GPC6: variants seen among roughly 807,000 people sequenced by gnomAD.
GPC6 encodes glypican 6.
In GPC6, 14 loss-of-function variants were observed where a neutral mutation model predicts 55.2. The observed-to-expected ratio is 0.25, with a 90% CI of 0.17 to 0.40. GPC6 has a LOEUF of 0.40. Among genes scored for constraint, GPC6 ranks in the 10% least tolerant of loss-of-function variants. GPC6 has a pLI of 1.00. For missense variants in GPC6, 641 were observed against 708.5 expected, an observed-to-expected ratio of 0.90 and a Z score of 1.08; for synonymous variants, 278 against 259.6, an observed-to-expected ratio of 1.07 and a Z score of -0.68.
chr13:93,764,753 G>C (rs1254415282), intron 2 of GPC6, among the ~76,000 whole-genome samples: 3 of 151,850 alleles, frequency 2.0e-5, no homozygotes, highest in Non-Finnish European at 4.4e-5. Context: ...ATATAGTCCT[G>C]GAAGACTAGA....
chr13:93,230,854 T>C lies in GPC6; in HGVS notation c.160+3238T>C, dbSNP rs373086586. On this transcript the variant is annotated intron_variant, in intron 1 of 8. Coordinates refer to ENST00000377047, the MANE Select transcript of GPC6 (RefSeq NM_005708.5). ...TTAAAACTCTGGGAAATTCAGAGAA[T>C]GTTGTTTCAGGCTTACTCTGCCACT... Among the ~76,000 whole-genome samples, 25 of 152,238 alleles carry C rather than the reference T, an allele frequency of 1.6e-4. No individual in the cohort carries two copies. The East Asian group carries it at 2.5e-3, about 15-fold the overall frequency.
intron 2 of GPC6, among the ~76,000 whole-genome samples, chr13:93,726,893 C>T (rs1473853421): frequency 6.6e-6 from 1 of 152,042 alleles, no homozygotes; most frequent in Non-Finnish European, 1.5e-5. Flanking sequence ...AAGGGATGCC[C>T]AAATGGACTT....
intron 6 of GPC6, among the ~76,000 whole-genome samples, chr13:94,344,767 G>C (rs1189286300): frequency 6.6e-6 from 1 of 152,278 alleles, no homozygotes; most frequent in South Asian, 2.1e-4. Context: ...TTGTCGATAT[G>C]CTTTGTCACT....
At chr13:93,480,571 G>A (rs1342833879) in intron 1 of GPC6, among the ~76,000 whole-genome samples, 1 of 152,084 alleles carries the variant, frequency 6.6e-6, no homozygotes, top group Non-Finnish European at 1.5e-5. Flanking sequence ...TAATAAAGTT[G>A]TGCTTTGATC....
intron 3 of GPC6, among the ~76,000 whole-genome samples, chr13:93,915,994 C>T (rs895450458): frequency 2.0e-5 from 3 of 152,128 alleles, no homozygotes; most frequent in African/African-American, 7.2e-5. Flanking sequence ...AAGATGCCGT[C>T]TCACTGCTGT....
intron 7 of GPC6, among the ~76,000 whole-genome samples, chr13:94,395,833 G>C (rs942153435): frequency 1.1e-4 from 17 of 152,240 alleles, no homozygotes; most frequent in African/African-American, 4.1e-4. Flanking sequence ...GGCCAGAGCT[G>C]GATGTCCTGA....
chr13:94,097,492 G>A (rs1885707926), intron 4 of GPC6, among the ~76,000 whole-genome samples: 1 of 118,726 alleles, frequency 8.4e-6, no homozygotes, highest in Admixed American at 1.1e-4. Context: ...GGGCCACAGA[G>A]CAAGACTCTG....
In GPC6 at chr13:94,157,382, C is replaced by T. The variant is rs75760142; in HGVS notation, c.878-128967C>T. The stretch of plus-strand genomic sequence containing the variant: ...TGGAGAATAAAGAGAAAGAACACCT[C>T]CAACTGGAGGCTGAATCATAGAAAC... On this transcript the variant is annotated intron_variant, in intron 4 of 8. Transcript: ENST00000377047. 5.5e-3 allele frequency among the ~76,000 whole-genome samples: 843 copies of T among 152,218 alleles called. 46 individuals carry two copies. In the East Asian group the frequency reaches 0.13, roughly 23 times the overall value.
At chr13:93,763,350 T>A (rs549695861) in intron 2 of GPC6, among the ~76,000 whole-genome samples, 6 of 152,294 alleles carry the variant, frequency 3.9e-5, no homozygotes, top group African/African-American at 1.4e-4. Flanking sequence ...ATACATCACA[T>A]TGCATAGCCT....
intron 2 of GPC6, among the ~76,000 whole-genome samples, chr13:93,655,218 C>T (rs2139604456): frequency 6.6e-6 from 1 of 152,158 alleles, no homozygotes; most frequent in Non-Finnish European, 1.5e-5. Context: ...TATTTGACAA[C>T]AGTTTTCTTT....
intron 4 of GPC6, among the ~76,000 whole-genome samples, chr13:94,216,866 A>G (rs966400661): frequency 1.3e-5 from 2 of 152,224 alleles, no homozygotes; most frequent in African/African-American, 4.8e-5. Context: ...ATAAGGACCC[A>G]GGGAGGTCTC....
intron 4 of GPC6, among the ~76,000 whole-genome samples, chr13:94,093,314 A>G (rs1885554363): frequency 6.6e-6 from 1 of 151,972 alleles, no homozygotes; most frequent in African/African-American, 2.4e-5. Flanking sequence ...AATGGTCCAA[A>G]CTGCATATGG....
chr13:93,472,890 G>A (rs1452401295), intron 1 of GPC6, among the ~76,000 whole-genome samples: 3 of 152,152 alleles, frequency 2.0e-5, no homozygotes, highest in Non-Finnish European at 4.4e-5. Flanking sequence ...GTCTCCCACA[G>A]GGAGAAAGCT....
In GPC6 at chr13:94,176,420, T is replaced by C. The variant is rs1201998825; in HGVS notation, c.878-109929T>C. Among the ~76,000 whole-genome samples the C allele has an allele frequency of 2.0e-5, 3 of 152,102 alleles. No homozygotes were observed. The South Asian group carries it at 6.2e-4, about 31-fold the overall frequency. On this transcript the variant is annotated intron_variant, in intron 4 of 8. Transcript: ENST00000377047. ...CAGGGAGGAAGGTGAAAGGAACTCA[T>C]AGACATAGCAGAACCGATATTTGGA...
chr13:93,321,790 A>C (rs1373025600), intron 1 of GPC6, among the ~76,000 whole-genome samples: 1 of 152,198 alleles, frequency 6.6e-6, no homozygotes, highest in African/African-American at 2.4e-5. Context: ...ACTAGACAAC[A>C]AAATACAAGT....
intron 4 of GPC6, among the ~76,000 whole-genome samples, chr13:94,252,262 C>T (rs1270784065): frequency 6.6e-6 from 1 of 152,114 alleles, no homozygotes; most frequent in African/African-American, 2.4e-5. Flanking sequence ...TGAATGTGTC[C>T]TTTATGAGTT....
At chr13:94,043,276 C>A (rs1201343703) in intron 4 of GPC6, among the ~76,000 whole-genome samples, 1 of 151,768 alleles carries the variant, frequency 6.6e-6, no homozygotes, top group Non-Finnish European at 1.5e-5. Context: ...TGCTATGAAG[C>A]CCTGTCTCCA....
chr13:93,594,042 T>C (rs1239531954), intron 2 of GPC6, among the ~76,000 whole-genome samples: 1 of 152,190 alleles, frequency 6.6e-6, no homozygotes, highest in Non-Finnish European at 1.5e-5. Flanking sequence ...CTTTTATATA[T>C]AAGAAATTGC....
chr13:94,275,011 G>A (rs1004971854), intron 4 of GPC6, among the ~76,000 whole-genome samples: 4 of 152,066 alleles, frequency 2.6e-5, no homozygotes, highest in African/African-American at 4.8e-5. Flanking sequence ...GTAGGGAGAG[G>A]GAGTTTTAGT....
Sources: gnomAD v4.1 joint callset for allele counts (sites outside exome capture counted in the v4.1 genomes callset) on GRCh38, gnomAD v4.1.1 for gene constraint, MANE v1.5 for transcripts, NCBI Gene and HGNC (gene_info 2026-07-23, HGNC 2026-07-21) for gene names.